The following R3HCC1L variants were observed in gnomAD, a reference collection of about 807,000 sequenced individuals.
R3HCC1L encodes R3H domain and coiled-coil containing 1 like, also known as coiled-coil domain-containing protein R3HCC1L.
A neutral mutation model predicts 59.9 loss-of-function variants in R3HCC1L; 51 were observed. That is an observed-to-expected ratio of 0.85 (90% CI 0.68 to 1.07). The LOEUF is 1.07. R3HCC1L is among the 50% of genes least tolerant of loss of function. The pLI, the probability that R3HCC1L is intolerant of heterozygous loss-of-function variation, is 0.00. For missense variants in R3HCC1L, 965 were observed against 933.0 expected, an observed-to-expected ratio of 1.03 and a Z score of -0.45; for synonymous variants, 322 against 315.2, an observed-to-expected ratio of 1.02 and a Z score of -0.23.
rs775543308 is a variant in R3HCC1L, at chr10:98,209,663, G to A, written c.1549G>A (p.Glu517Lys). 18 of 1,613,888 alleles carry A rather than the reference G, an allele frequency of 1.1e-5. No individual in the cohort carries two copies. The highest frequency in any genetic ancestry group is 1.4e-5 in the Non-Finnish European group (17 of 1,179,946). The change falls in exon 5 of 10, where the codon GAA (glutamate) becomes AAA (lysine). Residue 517 changes from glutamate (E) to lysine (K), a missense_variant. Transcript: ENST00000298999. The part of the protein sequence containing the change: ...IDLGSTGDTT[E>K]ALHELRTAEE... ...CCTGGGTAGTACTGGTGATACAACA[G>A]AAGCATTGCACGAACTAAGAACTGC...
At chr10:98,213,185 A>G (rs1412047667) in intron 5 of R3HCC1L, among the ~76,000 whole-genome samples, 1 of 152,020 alleles carries the variant, frequency 6.6e-6, no homozygotes, top group Non-Finnish European at 1.5e-5. Flanking sequence ...TCATATCCCA[A>G]CCCCTCGAGG....
chr10:98,238,571 C>T (rs1402724300), intron 9 of R3HCC1L, among the ~76,000 whole-genome samples: 1 of 151,540 alleles, frequency 6.6e-6, no homozygotes, highest in African/African-American at 2.4e-5. Flanking sequence ...CCAGTGATAC[C>T]ATCTTGAGTT....
chr10:98,244,370 C>A lies in R3HCC1L; in HGVS notation c.*212C>A. ...TTTGGAATCACCCTACTGTGGTGGGCGTAGTAGGGAGCCATCAGCTAGGAA... is the reference window on the plus strand; with the variant it reads ...TTTGGAATCACCCTACTGTGGTGGGAGTAGTAGGGAGCCATCAGCTAGGAA... On this transcript the variant is annotated 3_prime_UTR_variant, in exon 10 of 10. Coordinates refer to ENST00000298999, the MANE Select transcript of R3HCC1L (RefSeq NM_001351015.2). 1 of 435,644 alleles carries A rather than the reference C, an allele frequency of 2.3e-6. No homozygotes were observed. Among genetic ancestry groups the A allele is most frequent in the South Asian group, 3.2e-5 (1 of 30,962 alleles). The allele number at this position is 435,644 out of a possible 1,614,324, so 27.0% of individuals were successfully genotyped here.
At chr10:98,223,453 C>T (rs563715961) in intron 5 of R3HCC1L, among the ~76,000 whole-genome samples, 71 of 151,224 alleles carry the variant, frequency 4.7e-4, no homozygotes, top group Middle Eastern at 3.4e-3. Context: ...TTTTATGTTT[C>T]TTGTGTTCTT....
intron 1 of R3HCC1L, among the ~76,000 whole-genome samples, chr10:98,138,906 C>T (rs1203498607): frequency 1.3e-5 from 2 of 152,182 alleles, no homozygotes; most frequent in Non-Finnish European, 2.9e-5. Flanking sequence ...GAATGAGGCA[C>T]ATATTAGCCA....
chr10:98,197,499 GTTGA>G (rs997605758), intron 4 of R3HCC1L, among the ~76,000 whole-genome samples: 8 of 152,218 alleles, frequency 5.3e-5, no homozygotes, highest in African/African-American at 1.4e-4. Flanking sequence ...TTAAATGTTT[GTTGA>G]TTGATTGATT....
chr10:98,175,360 G>A (rs1482720657), intron 4 of R3HCC1L, among the ~76,000 whole-genome samples: 1 of 152,092 alleles, frequency 6.6e-6, no homozygotes, highest in African/African-American at 2.4e-5. Flanking sequence ...GTTTCATAGA[G>A]TACATTTTGT....
chr10:98,194,111 G>A (rs1050975652), intron 4 of R3HCC1L, among the ~76,000 whole-genome samples: 1 of 152,086 alleles, frequency 6.6e-6, no homozygotes, highest in East Asian at 1.9e-4. Flanking sequence ...GATCAAAACA[G>A]TATGGTGTTA....
At chr10:98,241,820 A>G (rs895270942) in intron 9 of R3HCC1L, among the ~76,000 whole-genome samples, 15 of 152,184 alleles carry the variant, frequency 9.9e-5, no homozygotes, top group Admixed American at 9.2e-4. Context: ...GTGTAACCTT[A>G]GGCAAGTCAT....
At chr10:98,242,888 C>T (rs1857695073) in intron 9 of R3HCC1L, among the ~76,000 whole-genome samples, 4 of 152,150 alleles carry the variant, frequency 2.6e-5, no homozygotes, top group African/African-American at 9.7e-5. Flanking sequence ...GTGCTGTCTC[C>T]TAGAGAACCC....
chr10:98,158,331 T>A (rs530814340), intron 2 of R3HCC1L, among the ~76,000 whole-genome samples: 2 of 152,356 alleles, frequency 1.3e-5, no homozygotes, highest in South Asian at 4.1e-4. Flanking sequence ...ATATTCTCAT[T>A]AATAATATCT....
intron 5 of R3HCC1L, among the ~76,000 whole-genome samples, chr10:98,225,848 T>A (rs1040980939): frequency 1.1e-4 from 17 of 148,542 alleles, no homozygotes; most frequent in African/African-American, 4.2e-4. Context: ...TTTTTGTAAC[T>A]TTTTTTTTTG....
At chr10:98,207,724 G>A (rs1852860163) in intron 4 of R3HCC1L, among the ~76,000 whole-genome samples, 1 of 151,888 alleles carries the variant, frequency 6.6e-6, no homozygotes, top group South Asian at 2.1e-4. Context: ...AAAAAAAAAG[G>A]CCGGGCACAG....
At chr10:98,236,227 A>G (rs1398031114) in intron 9 of R3HCC1L, 63 bp downstream of exon 9, 7 of 1,469,756 alleles carry the variant, frequency 4.8e-6, no homozygotes, top group Non-Finnish European at 6.4e-6. Context: ...GCATGTGTTT[A>G]AAAAAAAATG....
chr10:98,162,659 CGTGTGTGTGTGTTT>C (rs1319825198), intron 2 of R3HCC1L, among the ~76,000 whole-genome samples: 1 of 150,136 alleles, frequency 6.7e-6, no homozygotes, highest in East Asian at 1.9e-4. Context: ...AACATCTGTT[CGTGTGTGTGTGTTT>C]GTGTGTGTGT....
chr10:98,196,710 C>A (rs965724966), intron 4 of R3HCC1L, among the ~76,000 whole-genome samples: 1 of 152,182 alleles, frequency 6.6e-6, no homozygotes, highest in Non-Finnish European at 1.5e-5. Flanking sequence ...AGACGTGCTG[C>A]AATAACTTCC....
At chr10:98,156,945 A>G (rs1225252092) in intron 2 of R3HCC1L, among the ~76,000 whole-genome samples, 1 of 152,246 alleles carries the variant, frequency 6.6e-6, no homozygotes, top group Non-Finnish European at 1.5e-5. Flanking sequence ...GAAACCGTAC[A>G]TGGTAGATAA....
At chr10:98,239,607 A>G (rs1857314618) in intron 9 of R3HCC1L, among the ~76,000 whole-genome samples, 1 of 152,004 alleles carries the variant, frequency 6.6e-6, no homozygotes, top group Non-Finnish European at 1.5e-5. Flanking sequence ...TCTTTATAAA[A>G]CCCAGAATGT....
intron 1 of R3HCC1L, among the ~76,000 whole-genome samples, chr10:98,150,020 G>T (rs567431316): frequency 6.6e-6 from 1 of 152,056 alleles, no homozygotes; most frequent in African/African-American, 2.4e-5. Flanking sequence ...CTTTAATTGT[G>T]TATCTTCAAA....
Sources: allele counts gnomAD v4.1 joint callset (sites outside exome capture counted in the v4.1 genomes callset), GRCh38; gene constraint gnomAD v4.1.1; transcripts MANE v1.5; gene names NCBI Gene and HGNC (gene_info 2026-07-23, HGNC 2026-07-21).